Variants in TYW1 observed in about 807,000 individuals in gnomAD.
The protein encoded by TYW1 is tRNA-yW synthesizing protein 1 homolog.
A neutral mutation model predicts 96.2 loss-of-function variants in TYW1; 46 were observed. The observed-to-expected ratio is 0.48, with a 90% CI of 0.38 to 0.61. The LOEUF (loss-of-function observed/expected upper bound fraction) is 0.61, where lower values mean the gene tolerates loss of function less well. TYW1 is among the 20% of genes least tolerant of loss of function. The pLI is 0.00. For synonymous variants in TYW1, 274 were observed against 323.0 expected (o/e 0.85, Z 1.63); for missense variants, 684 against 909.6 (o/e 0.75, Z 3.19).
intron 13 of TYW1, among the ~76,000 whole-genome samples, chr7:67,120,083 C>CTTCT (rs1554368916): frequency 6.5e-5 from 9 of 138,348 alleles, no homozygotes; most frequent in African/African-American, 2.6e-4. Flanking sequence ...TTTTTTTCTT[C>CTTCT]TTTTTTTTCT....
intron 4 of TYW1, among the ~76,000 whole-genome samples, chr7:67,011,995 A>G (rs1327711646): frequency 6.6e-6 from 1 of 152,086 alleles, no homozygotes; most frequent in Non-Finnish European, 1.5e-5. Context: ...CTGAGGCACA[A>G]AACAGCCATA....
At chr7:67,202,291 G>T (rs9986784) in intron 15 of TYW1, among the ~76,000 whole-genome samples, 38,194 of 152,058 alleles carry the variant, frequency 0.25, 4,989 homozygotes, top group African/African-American at 0.3. Context: ...CATTGGCCCT[G>T]TCTTTAAGCT....
intron 4 of TYW1, among the ~76,000 whole-genome samples, chr7:67,012,340 T>C (rs1474307706): frequency 6.6e-6 from 1 of 151,870 alleles, no homozygotes; most frequent in East Asian, 1.9e-4. Context: ...AGAGCGAGAC[T>C]CTGTCTCAAA....
At chr7:67,025,824 G>T (rs1416803891) in intron 7 of TYW1, among the ~76,000 whole-genome samples, 2 of 151,860 alleles carry the variant, frequency 1.3e-5, no homozygotes, top group Admixed American at 6.6e-5. Flanking sequence ...TTTGGAAAAT[G>T]AGAATCCCCC....
intron 13 of TYW1, among the ~76,000 whole-genome samples, chr7:67,148,965 A>C (rs960131261): frequency 2.0e-5 from 3 of 152,176 alleles, no homozygotes; most frequent in Non-Finnish European, 2.9e-5. Context: ...ATTGTGACCC[A>C]TTGCCACAAA....
At chr7:67,196,359 A>G (rs1800392457) in intron 15 of TYW1, among the ~76,000 whole-genome samples, 1 of 152,080 alleles carries the variant, frequency 6.6e-6, no homozygotes, top group African/African-American at 2.4e-5. Context: ...TTTGTATCTG[A>G]TAATTCCAAT....
At chr7:66,997,752 C>T (rs534402603) in intron 1 of TYW1, among the ~76,000 whole-genome samples, 2 of 151,928 alleles carry the variant, frequency 1.3e-5, no homozygotes, top group Admixed American at 6.6e-5. Flanking sequence ...CCTCAGCCCC[C>T]CGAGTAGCTG....
intron 8 of TYW1, among the ~76,000 whole-genome samples, chr7:67,053,627 G>A (rs1462696574): frequency 2.0e-5 from 3 of 152,064 alleles, no homozygotes; most frequent in African/African-American, 7.2e-5. Flanking sequence ...TGATCCACCC[G>A]CCTTGGCCTC....
chr7:67,036,055 T>C (rs1794833499), intron 7 of TYW1, among the ~76,000 whole-genome samples: 1 of 149,572 alleles, frequency 6.7e-6, no homozygotes, highest in Non-Finnish European at 1.5e-5. Flanking sequence ...TTTTTTTTTT[T>C]TGAGGTTTAG....
chr7:67,134,021 AGC>A (rs1798168859), intron 13 of TYW1, among the ~76,000 whole-genome samples: 1 of 151,938 alleles, frequency 6.6e-6, no homozygotes, highest in Non-Finnish European at 1.5e-5. Context: ...TTTCCATAGC[AGC>A]ATCAACTCCA....
intron 13 of TYW1, among the ~76,000 whole-genome samples, chr7:67,158,716 C>G (rs1004980212): frequency 1.3e-5 from 2 of 151,854 alleles, no homozygotes; most frequent in Admixed American, 1.3e-4. Context: ...ACTACAGGTG[C>G]TCGCCACCAC....
intron 6 of TYW1, among the ~76,000 whole-genome samples, chr7:67,024,475 A>G (rs544785157): frequency 2.6e-4 from 40 of 151,964 alleles, no homozygotes; most frequent in African/African-American, 9.6e-4. Flanking sequence ...CCTAGATTTT[A>G]TTTTTAAAGT....
chr7:67,175,255 T>A (rs1366369875), intron 13 of TYW1, among the ~76,000 whole-genome samples: 1 of 148,436 alleles, frequency 6.7e-6, no homozygotes, highest in Non-Finnish European at 1.5e-5. Context: ...CACCGCAACC[T>A]CCACCTCCTG....
At chr7:67,067,206 T>C in intron 9 of TYW1, 79 bp from the exon 10 acceptor site, 1 of 1,452,184 alleles carries the variant, frequency 6.9e-7, no homozygotes, top group Non-Finnish European at 9.7e-7. Flanking sequence ...ACATGGTTTC[T>C]CTTAAAAATG....
intron 15 of TYW1, among the ~76,000 whole-genome samples, chr7:67,232,884 A>G (rs1343180841): frequency 1.4e-5 from 1 of 73,790 alleles, no homozygotes; most frequent in Admixed American, 1.6e-4. Flanking sequence ...TCAGCTGTGA[A>G]TATATGCAGG....
intron 7 of TYW1, among the ~76,000 whole-genome samples, chr7:67,032,536 G>A (rs563629722): frequency 2.6e-5 from 4 of 152,206 alleles, no homozygotes; most frequent in South Asian, 4.2e-4. Context: ...TAGGAGAATC[G>A]CTTGAGCCTG....
chr7:67,166,054 T>C (rs1799312209), intron 13 of TYW1, among the ~76,000 whole-genome samples: 1 of 151,942 alleles, frequency 6.6e-6, no homozygotes, highest in Admixed American at 6.6e-5. Flanking sequence ...AGCCTGACAA[T>C]ATAGCGACAC....
At chr7:67,034,167 G>A (rs933006180) in intron 7 of TYW1, among the ~76,000 whole-genome samples, 33 of 149,074 alleles carry the variant, frequency 2.2e-4, no homozygotes, top group African/African-American at 7.4e-4. Flanking sequence ...GCAGTGATGC[G>A]ATCTCAGCTC....
intron 7 of TYW1, among the ~76,000 whole-genome samples, chr7:67,040,497 T>C (rs1794983781): frequency 6.6e-6 from 1 of 151,992 alleles, no homozygotes; most frequent in Non-Finnish European, 1.5e-5. Flanking sequence ...AAATGATGCA[T>C]GTGATAGCTG....
Sources: allele counts gnomAD v4.1 joint callset (sites outside exome capture counted in the v4.1 genomes callset), GRCh38; gene constraint gnomAD v4.1.1; transcripts MANE v1.5; gene names NCBI Gene and HGNC (gene_info 2026-07-23, HGNC 2026-07-21).